Variants in MRPL44 observed in about 807,000 individuals in gnomAD.
The protein encoded by MRPL44 is large ribosomal subunit protein mL44.
A neutral mutation model predicts 25.9 loss-of-function variants in MRPL44; 21 were observed. The ratio of observed to expected loss-of-function variants is 0.81; its 90% CI spans 0.58 to 1.17. The LOEUF (loss-of-function observed/expected upper bound fraction) is 1.17. Ranked by LOEUF, MRPL44 falls within the 50% of genes most tolerant of loss-of-function variation. The pLI is 0.00. For missense variants in MRPL44, 410 were observed against 398.9 expected, an observed-to-expected ratio of 1.03 and a Z score of -0.24; for synonymous variants, 169 against 151.0, an observed-to-expected ratio of 1.12 and a Z score of -0.87.
At chr2:223,957,712 C>G (rs1689594531) in intron 1 of MRPL44, 61 bp downstream of exon 1, 1 of 1,521,948 alleles carries the variant, frequency 6.6e-7, no homozygotes. Context: ...GTCTTCTTCC[C>G]GCGGCGTCGT....
In MRPL44 at chr2:223,963,862, C is replaced by A. The variant is rs774157626; in HGVS notation, c.755C>A (p.Ala252Asp). ...VEELKKRNVS[A>D]PESRLTRQSG... The stretch of plus-strand genomic sequence containing the variant: ...GAACTGAAGAAAAGGAATGTTTCAG[C>A]TCCTGAATCAAGACTTACTAGGCAG... Residue 252 changes from alanine (A) to aspartate (D), a missense_variant, in exon 3 of 4, where the codon GCT (alanine) becomes GAT (aspartate). Transcript: ENST00000258383. 15 of 1,613,734 alleles carry A rather than the reference C, an allele frequency of 9.3e-6. No homozygotes were observed. The highest frequency in any genetic ancestry group is 1.3e-5 in the African/African-American group (1 of 74,908).
In MRPL44 at chr2:223,966,985, C is replaced by T. The variant is rs983989352; in HGVS notation, c.950C>T (p.Ser317Phe). The T allele has an allele frequency of 8.1e-6, 13 of 1,613,842 alleles. No homozygotes were observed. The highest frequency in any genetic ancestry group is 1.1e-5 in the Non-Finnish European group (13 of 1,179,862). Reference sequence around the variant, plus strand: ...GAAAATAGACGGCCGTGGAACTATTCCAAGCCCAAAGAAACCTTGAGAGCA... The same window carrying T: ...GAAAATAGACGGCCGTGGAACTATTTCAAGCCCAAAGAAACCTTGAGAGCA... ...FTENRRPWNYSKPKETLRAEK... is the reference protein window; with the variant it reads ...FTENRRPWNYFKPKETLRAEK... The change falls in exon 4 of 4, where the codon TCC becomes TTC. Residue 317 changes from serine to phenylalanine, a missense_variant. Transcript: ENST00000258383.
In MRPL44 at chr2:223,959,844, G is replaced by A; in HGVS notation, c.490G>A (p.Glu164Lys). ...TCTTGTTGACTTTCTCACTGGTGAG[G>A]AAGTCGTGTGTCACGTGGCTAGAAA... ...KNLVDFLTGE[E>K]VVCHVARNLA... Residue 164 changes from glutamate (E) to lysine (K), a missense_variant, in exon 2 of 4, where the codon GAA becomes AAA. By Grantham distance (56) the Glu-to-Lys change is moderately conservative. Coordinates refer to ENST00000258383, the MANE Select transcript of MRPL44 (RefSeq NM_022915.5). The A allele has an allele frequency of 6.2e-7, 1 of 1,614,172 alleles. No individual in the cohort carries two copies. The highest frequency in any genetic ancestry group is 8.5e-7 in the Non-Finnish European group (1 of 1,180,020).
At chr2:223,955,097 A>G (rs920521428), upstream of MRPL44, among the ~76,000 whole-genome samples, 1 of 151,998 alleles carries the variant, frequency 6.6e-6, no homozygotes, top group South Asian at 2.1e-4. Context: ...TTCCACATTT[A>G]TTTCCTAAGA....
chr2:223,955,480 C>T (rs1689551493), upstream of MRPL44, among the ~76,000 whole-genome samples: 1 of 152,182 alleles, frequency 6.6e-6, no homozygotes, highest in African/African-American at 2.4e-5. Flanking sequence ...GGTCCTATAG[C>T]AGAGCTTACT....
In MRPL44 at chr2:223,967,336, G is replaced by A. The variant is rs1689758298; in HGVS notation, c.*302G>A. The A allele has an allele frequency of 2.0e-5, 4 of 203,022 alleles. No homozygotes were observed. The highest frequency in any genetic ancestry group is 2.0e-5 in the Non-Finnish European group (2 of 100,864). 12.6% of individuals were successfully genotyped at this position (203,022 alleles called of 1,614,324 possible). A position where few individuals can be genotyped will look rare whatever the true frequency, so the allele number is the denominator to read the frequency against. ...CAACCTCCACCTCACAGGTTCAAGC[G>A]ATTCTCGTGGCTCAGCCTCCCTAGT... On this transcript the variant is annotated 3_prime_UTR_variant, in exon 4 of 4. Coordinates refer to ENST00000258383, the MANE Select transcript of MRPL44 (RefSeq NM_022915.5).
chr2:223,964,040 A>G (rs2106119092), intron 3 of MRPL44, 106 bp downstream of exon 3: 2 of 849,758 alleles, frequency 2.4e-6, no homozygotes, highest in East Asian at 2.9e-5. Flanking sequence ...GAATGTTAAC[A>G]TAACCTCTTC....
chr2:223,959,546 G>A lies in MRPL44; in HGVS notation c.192G>A (p.Pro64=), dbSNP rs144375387. 9.3e-6 allele frequency: 15 copies of A among 1,607,904 alleles called. No individual in the cohort carries two copies. Among genetic ancestry groups the A allele is most frequent in the Middle Eastern group, 1.7e-4 (1 of 5,910 alleles). Reference sequence around the variant, plus strand: ...TTTACATTTTCAGTTCAGAGAAGCCGAACTGGGATTACCATGCAGAAATAC... The same window carrying A: ...TTTACATTTTCAGTTCAGAGAAGCCAAACTGGGATTACCATGCAGAAATAC... ...PPPPVRRSEK[P]NWDYHAEIQA... is the part of the protein sequence containing the mutation. Residue 64 remains proline (P), a synonymous_variant, in exon 2 of 4, where the codon CCG becomes CCA. Coordinates refer to ENST00000258383, the MANE Select transcript of MRPL44 (RefSeq NM_022915.5).
In MRPL44 at chr2:223,957,560, G is replaced by T; in HGVS notation, c.88G>T (p.Gly30Ter). 10 of 1,613,988 alleles carry T rather than the reference G, an allele frequency of 6.2e-6. No individual in the cohort carries two copies. Among genetic ancestry groups the T allele is most frequent in the Non-Finnish European group, 7.6e-6 (9 of 1,180,014 alleles). ...CCCCAAGCTGGTCCCTCCGGTTCGG[G>T]GAGTGAAGAAGGGATTCCGCGCCGC... ...VAPKLVPPVR[G>*]VKKGFRAAFR... The change falls in exon 1 of 4, where the codon GGA becomes TGA. Residue 30 changes from glycine (G) to a stop codon, truncating the protein, a stop_gained. Coordinates refer to ENST00000258383, the MANE Select transcript of MRPL44 (RefSeq NM_022915.5). LOFTEE classifies it high-confidence loss of function.
chr2:223,966,223 G>A lies in MRPL44; in HGVS notation c.828-640G>A, dbSNP rs1414990562. 2.4e-4 allele frequency among the ~76,000 whole-genome samples: 31 copies of A among 126,592 alleles called. No homozygotes were observed. The Admixed American group carries it at 2.6e-3, about 11-fold the overall frequency. The allele number at this position is 126,592 out of a possible 152,430, so 83.0% of individuals were successfully genotyped here. A position where few individuals can be genotyped will look rare whatever the true frequency, so the allele number is the denominator to read the frequency against. On this transcript the variant is annotated intron_variant, in intron 3 of 3. Coordinates refer to ENST00000258383, the MANE Select transcript of MRPL44 (RefSeq NM_022915.5). The stretch of plus-strand genomic sequence containing the variant: ...TGCACTACAGCCTGGGCGACAGAGT[G>A]AGACTCAGTCTCAAAAAAAAAAAAA...
intron 2 of MRPL44, among the ~76,000 whole-genome samples, chr2:223,961,714 A>T: frequency 6.6e-6 from 1 of 152,218 alleles, no homozygotes; most frequent in Admixed American, 6.5e-5. Flanking sequence ...ATTTCTTCAT[A>T]CTGCTTCCCT....
intron 3 of MRPL44, among the ~76,000 whole-genome samples, chr2:223,964,834 T>C (rs1422805204): frequency 1.3e-5 from 2 of 152,202 alleles, no homozygotes; most frequent in East Asian, 3.8e-4. Flanking sequence ...CGTTTGTTGT[T>C]TACCTCTTTA....
At chr2:223,964,025 A>G (rs1042643204) in intron 3 of MRPL44, 91 bp downstream of exon 3, 2 of 1,001,720 alleles carry the variant, frequency 2.0e-6, no homozygotes, top group Non-Finnish European at 3.0e-6. Flanking sequence ...TTCACATTCC[A>G]TAAGGAATGT....
At chr2:223,958,663 C>G (rs909778652) in intron 1 of MRPL44, among the ~76,000 whole-genome samples, 1 of 152,046 alleles carries the variant, frequency 6.6e-6, no homozygotes, top group South Asian at 2.1e-4. Flanking sequence ...TATTGTGTTA[C>G]GTATAAGTAA....
At chr2:223,956,576 G>A (rs1689566603), upstream of MRPL44, among the ~76,000 whole-genome samples, 1 of 152,202 alleles carries the variant, frequency 6.6e-6, no homozygotes, top group African/African-American at 2.4e-5. Context: ...AAACTGCACC[G>A]AAGAGGGGGT....
At position 223,959,592 on chromosome 2, in the gene MRPL44, CA is replaced by C; in HGVS notation, c.239del (p.Gln80ArgfsTer6). 6.2e-7 allele frequency: 1 copy of C among 1,613,998 alleles called. No individual in the cohort carries two copies. The highest frequency in any genetic ancestry group is 1.3e-5 in the African/African-American group (1 of 75,000). ...AEIQAFGHRL[Q>X]ENFSLDLLKT... Reference sequence around the variant, plus strand: ...AATACAAGCTTTTGGACATCGGTTACAGGAAAACTTTTCCTTAGATCTTCTC... The same window carrying C: ...AATACAAGCTTTTGGACATCGGTTACGGAAAACTTTTCCTTAGATCTTCTC... On this transcript the variant is annotated frameshift_variant, in exon 2 of 4. Coordinates refer to ENST00000258383, the MANE Select transcript of MRPL44 (RefSeq NM_022915.5). LOFTEE classifies it high-confidence loss of function.
At chr2:223,962,873 T>G (rs1259831752) in intron 2 of MRPL44, among the ~76,000 whole-genome samples, 14 of 152,034 alleles carry the variant, frequency 9.2e-5, no homozygotes, top group Non-Finnish European at 2.9e-5. Context: ...GGCTAATTTT[T>G]GTATTTTTAG....
the MRPL44 span, among the ~76,000 whole-genome samples, chr2:223,950,871 A>G: frequency 1.3e-5 from 2 of 152,378 alleles, no homozygotes; most frequent in South Asian, 4.1e-4. Flanking sequence ...AAATGATTTT[A>G]TAGAGTATGC....
Position 223,957,483 on chromosome 2 carries a change from G to C in MRPL44, c.11G>C (p.Gly4Ala). 6.2e-7 allele frequency: 1 copy of C among 1,614,188 alleles called. No homozygotes were observed. Among genetic ancestry groups the C allele is most frequent in the East Asian group, 2.2e-5 (1 of 44,880 alleles). The change falls in exon 1 of 4, where the codon GGG (glycine) becomes GCG (alanine). Residue 4 changes from glycine (G) to alanine (A), a missense_variant. Coordinates refer to ENST00000258383, the MANE Select transcript of MRPL44 (RefSeq NM_022915.5). ...GTTTTCTCTCGTGCAATGGCGTCCG[G>C]GCTGGTAAGATTGCTGCAGCAGGGA... is the stretch of plus-strand genomic sequence containing the variant. MAS[G>A]LVRLLQQGHR...
Sources: allele counts gnomAD v4.1 joint callset (sites outside exome capture counted in the v4.1 genomes callset), GRCh38; gene constraint gnomAD v4.1.1; transcripts MANE v1.5; gene names NCBI Gene and HGNC (gene_info 2026-07-23, HGNC 2026-07-21).